Variants in MXI1 observed in about 807,000 individuals in gnomAD.
The protein encoded by MXI1 is MAX interactor 1, dimerization protein.
In MXI1, 18 loss-of-function variants were observed where a neutral mutation model predicts 36.9. The ratio of observed to expected loss-of-function variants is 0.49; its 90% CI spans 0.34 to 0.72. The LOEUF is 0.72. MXI1 is among the 30% of genes least tolerant of loss of function. MXI1 has a pLI of 0.01. For missense variants in MXI1, 304 were observed against 379.1 expected, an observed-to-expected ratio of 0.80 and a Z score of 1.64; for synonymous variants, 160 against 146.7, an observed-to-expected ratio of 1.09 and a Z score of -0.65.
In MXI1 at chr10:110,209,998, T is replaced by G. The variant is rs1590318109; in HGVS notation, c.274+1916T>G. Among the ~76,000 whole-genome samples the G allele has an allele frequency of 5.7e-5, 5 of 87,488 alleles. No individual in the cohort carries two copies. The South Asian group carries it at 1.2e-3, about 20-fold the overall frequency. 57.4% of individuals were successfully genotyped at this position (87,488 alleles called of 152,430 possible). A position where few individuals can be genotyped will look rare whatever the true frequency, so the allele number is the denominator to read the frequency against. On this transcript the variant is annotated intron_variant, in intron 1 of 5. Transcript: ENST00000332674. ...GATTCCTCAGCGTCCCGCCCCCCAC[T>G]TCGCACCCGCAGACAATCGGAGACC... is the stretch of plus-strand genomic sequence containing the variant.
At chr10:110,230,823 G>GA (rs1384254817) in intron 2 of MXI1, among the ~76,000 whole-genome samples, 1 of 152,172 alleles carries the variant, frequency 6.6e-6, no homozygotes, top group Non-Finnish European at 1.5e-5. Context: ...AAGACTTACA[G>GA]AAATTTCCAT....
chr10:110,219,294 C>A (rs534643707), intron 1 of MXI1, among the ~76,000 whole-genome samples: 1 of 152,220 alleles, frequency 6.6e-6, no homozygotes, highest in African/African-American at 2.4e-5. Context: ...AGTGAGACTC[C>A]GTGTCAAAAA....
intron 3 of MXI1, among the ~76,000 whole-genome samples, chr10:110,255,317 A>T (rs942369761): frequency 6.6e-5 from 10 of 152,182 alleles, no homozygotes; most frequent in Non-Finnish European, 8.8e-5. Flanking sequence ...AAATTTTTTT[A>T]AAAAATTATT....
intron 2 of MXI1, among the ~76,000 whole-genome samples, chr10:110,233,647 TTAAG>T (rs1399506805): frequency 1.3e-5 from 2 of 152,186 alleles, no homozygotes; most frequent in Admixed American, 1.3e-4. Flanking sequence ...GTTATTATTC[TTAAG>T]TATTTTCTGC....
At chr10:110,210,030 T>TGCCCCACCCCCCAC (rs2134319884) in intron 1 of MXI1, among the ~76,000 whole-genome samples, 1 of 18,532 alleles carries the variant, frequency 5.4e-5, no homozygotes, top group Non-Finnish European at 1.0e-4. Context: ...GACCTCCCCC[T>TGCCCCACCCCCCAC]GCCCCACCCC....
At chr10:110,208,209 A>G (rs1854411680) in intron 1 of MXI1, 127 bp downstream of exon 1, 1 of 978,856 alleles carries the variant, frequency 1.0e-6, no homozygotes, top group Non-Finnish European at 1.4e-6. Flanking sequence ...CCTTGGCAGT[A>G]AAGCCGATGA....
At position 110,212,106 on chromosome 10, in the gene MXI1, A is replaced by G. The variant is rs1030772292; in HGVS notation, c.274+4024A>G. 3.9e-5 allele frequency among the ~76,000 whole-genome samples: 6 copies of G among 152,330 alleles called. No homozygotes were observed. The East Asian group carries it at 1.2e-3, about 29-fold the overall frequency. ...AGCAGGTAAGGTCTGGAGGAGAGAA[A>G]TGGGCTTCCTAGTGTCTGGAGGAGG... On this transcript the variant is annotated intron_variant, in intron 1 of 5. Transcript: ENST00000332674.
At chr10:110,229,303 A>C (rs539151909) in intron 2 of MXI1, among the ~76,000 whole-genome samples, 22 of 152,332 alleles carry the variant, frequency 1.4e-4, no homozygotes, top group Admixed American at 3.3e-4. Context: ...AGAGAATATA[A>C]TAAACATTCA....
intron 1 of MXI1, chr10:110,226,340 C>T: frequency 2.1e-6 from 3 of 1,395,660 alleles, no homozygotes; most frequent in Non-Finnish European, 1.9e-6. Flanking sequence ...TTCGGCAGTG[C>T]GGTGCGGCCG....
At position 110,284,852 on chromosome 10, in the gene MXI1, A is replaced by G; in HGVS notation, c.753A>G (p.Thr251=). Reference sequence around the variant, plus strand: ...AGATTGAAGTGGATGTTGAAAGCACAGAGTTCTCCCATGGAGAAGTGGACA... The same window carrying G: ...AGATTGAAGTGGATGTTGAAAGCACGGAGTTCTCCCATGGAGAAGTGGACA... ...REEIEVDVES[T]EFSHGEVDNI... is the part of the protein sequence containing the mutation. Residue 251 remains threonine, a synonymous_variant, in exon 6 of 6, where the codon ACA becomes ACG. Coordinates refer to ENST00000332674, the MANE Select transcript of MXI1 (RefSeq NM_130439.3). The G allele has an allele frequency of 6.2e-7, 1 of 1,609,736 alleles. No homozygotes were observed. The highest frequency in any genetic ancestry group is 8.5e-7 in the Non-Finnish European group (1 of 1,178,632).
At chr10:110,218,960 C>T (rs1047340915) in intron 1 of MXI1, among the ~76,000 whole-genome samples, 2 of 152,164 alleles carry the variant, frequency 1.3e-5, no homozygotes, top group Non-Finnish European at 2.9e-5. Context: ...ATAGGCCAAC[C>T]ACTTTCTCTC....
rs149272341 is a variant in MXI1 at position 110,208,024 on chromosome 10, C to T, written c.216C>T (p.Asn72=). The part of the protein sequence containing the change: ...MEKHINTFLQ[N]VQILLEAASY... The stretch of plus-strand genomic sequence containing the variant: ...AGCACATCAACACTTTTCTGCAGAA[C>T]GTGCAGATTCTGCTCGAGGCCGCCA... The change falls in exon 1 of 6, where the codon AAC becomes AAT. Residue 72 remains asparagine, a synonymous_variant. Coordinates refer to ENST00000332674, the MANE Select transcript of MXI1 (RefSeq NM_130439.3). The T allele has an allele frequency of 1.7e-5, 27 of 1,604,288 alleles. No homozygotes were observed. Among genetic ancestry groups the T allele is most frequent in the Non-Finnish European group, 2.2e-5 (26 of 1,175,612 alleles).
At chr10:110,277,399 AAG>A (rs1857072270) in intron 3 of MXI1, among the ~76,000 whole-genome samples, 1 of 152,164 alleles carries the variant, frequency 6.6e-6, no homozygotes, top group Admixed American at 6.5e-5. Flanking sequence ...AATCTTAATG[AAG>A]AGTTTAAAGG....
At chr10:110,238,396 G>A (rs1490816773) in intron 2 of MXI1, among the ~76,000 whole-genome samples, 1 of 152,190 alleles carries the variant, frequency 6.6e-6, no homozygotes, top group East Asian at 1.9e-4. Context: ...AAATTTCAAG[G>A]TTTTAGAAGC....
At chr10:110,211,829 T>G (rs1158700210) in intron 1 of MXI1, among the ~76,000 whole-genome samples, 1 of 152,190 alleles carries the variant, frequency 6.6e-6, no homozygotes, top group Non-Finnish European at 1.5e-5. Context: ...GGATCACAAA[T>G]TGAAGGCCTC....
intron 2 of MXI1, among the ~76,000 whole-genome samples, chr10:110,242,973 A>C (rs2134389331): frequency 6.6e-6 from 1 of 152,126 alleles, no homozygotes; most frequent in South Asian, 2.1e-4. Context: ...GAGGCAATTA[A>C]ACCAAAACTT....
chr10:110,272,345 A>G lies in MXI1; in HGVS notation c.438-6835A>G, dbSNP rs560122334. On this transcript the variant is annotated intron_variant, in intron 3 of 5. Coordinates refer to ENST00000332674, the MANE Select transcript of MXI1 (RefSeq NM_130439.3). ...AAGCATTTCACATAAGGAATACTCA[A>G]CCTGTCTGAAATAATATGAAATTTG... 5.3e-5 allele frequency among the ~76,000 whole-genome samples: 8 copies of G among 152,352 alleles called. No individual in the cohort carries two copies. The South Asian group carries it at 1.7e-3, about 32-fold the overall frequency.
intron 4 of MXI1, among the ~76,000 whole-genome samples, chr10:110,279,699 T>C (rs934491507): frequency 5.9e-5 from 9 of 152,212 alleles, no homozygotes; most frequent in Non-Finnish European, 1.2e-4. Context: ...ATAGCATTCA[T>C]TACATACACA....
chr10:110,228,090 C>A, intron 1 of MXI1, 99 bp from the exon 2 acceptor site: 1 of 1,375,418 alleles, frequency 7.3e-7, no homozygotes, highest in Non-Finnish European at 1.0e-6. Context: ...TCTTTTCCTG[C>A]TTTCAAAAAC....
Sources: gnomAD v4.1 joint callset for allele counts (sites outside exome capture counted in the v4.1 genomes callset) on GRCh38, gnomAD v4.1.1 for gene constraint, MANE v1.5 for transcripts, NCBI Gene and HGNC (gene_info 2026-07-23, HGNC 2026-07-21) for gene names.